CALCRL: variants seen among roughly 807,000 people sequenced by gnomAD.
The protein encoded by CALCRL is calcitonin receptor like receptor.
Under a neutral mutation model 60.4 loss-of-function variants are expected in CALCRL, and 27 were observed. The ratio of observed to expected loss-of-function variants is 0.45; its 90% CI spans 0.33 to 0.62. The LOEUF (loss-of-function observed/expected upper bound fraction) is 0.62. CALCRL is among the 20% of genes least tolerant of loss of function. The pLI is 0.03. For synonymous variants in CALCRL, 190 were observed against 182.6 expected, an observed-to-expected ratio of 1.04 and a Z score of -0.33; for missense variants, 424 against 540.7, an observed-to-expected ratio of 0.78 and a Z score of 2.14.
intron 1 of CALCRL, among the ~76,000 whole-genome samples, chr2:187,390,059 A>C (rs1443634884): frequency 6.6e-6 from 1 of 152,192 alleles, no homozygotes; most frequent in Non-Finnish European, 1.5e-5. Flanking sequence ...TTTATTAGAA[A>C]GTTTTAGACA....
At chr2:187,353,278 C>G (rs1686614068) in intron 12 of CALCRL, among the ~76,000 whole-genome samples, 1 of 151,898 alleles carries the variant, frequency 6.6e-6, no homozygotes, top group Non-Finnish European at 1.5e-5. Flanking sequence ...TCCAGAAGAG[C>G]TCCATAGGGG....
intron 1 of CALCRL, among the ~76,000 whole-genome samples, chr2:187,439,417 G>A (rs1000522862): frequency 2.6e-5 from 4 of 152,188 alleles, no homozygotes; most frequent in Middle Eastern, 6.8e-3. Flanking sequence ...TCATGCCCCT[G>A]CACTCCAGCC....
At chr2:187,352,004 T>A (rs1387211734) in intron 13 of CALCRL, 43 bp from the exon 14 acceptor site, 2 of 1,560,902 alleles carry the variant, frequency 1.3e-6, no homozygotes, top group Non-Finnish European at 1.8e-6. Flanking sequence ...AATGGAAAGA[T>A]ACATGTATTT....
chr2:187,375,357 C>CT (rs898241653), intron 8 of CALCRL, among the ~76,000 whole-genome samples: 40 of 150,256 alleles, frequency 2.7e-4, no homozygotes, highest in Middle Eastern at 6.9e-3. Flanking sequence ...CTGAAAAATT[C>CT]TTTTTTTTCC....
chr2:187,427,557 G>A (rs1690199277), intron 1 of CALCRL, among the ~76,000 whole-genome samples: 1 of 152,066 alleles, frequency 6.6e-6, no homozygotes, highest in Non-Finnish European at 1.5e-5. Flanking sequence ...TTCAATGGCA[G>A]TTTATGTTTA....
At position 187,343,584 on chromosome 2, in the gene CALCRL, G is replaced by C. The variant is rs1320842641; in HGVS notation, c.*2600C>G. Reference sequence around the variant, plus strand: ...GAATATTTTATGAATAAATGCATTGGAAATTAACTTTAGGAAATAAAATGA... The same window carrying C: ...GAATATTTTATGAATAAATGCATTGCAAATTAACTTTAGGAAATAAAATGA... On this transcript the variant is annotated 3_prime_UTR_variant, in exon 15 of 15. Transcript: ENST00000392370. 1 of 151,626 alleles carries C rather than the reference G, an allele frequency of 6.6e-6. No individual in the cohort carries two copies. Among genetic ancestry groups the C allele is most frequent in the Non-Finnish European group, 1.5e-5 (1 of 67,508 alleles). The allele number at this position is 151,626 out of a possible 1,614,324, so 9.4% of individuals were successfully genotyped here.
chr2:187,385,471 C>T, intron 4 of CALCRL, 74 bp downstream of exon 4: 1 of 748,184 alleles, frequency 1.3e-6, no homozygotes, highest in Non-Finnish European at 2.2e-6. Context: ...CTAGTAACTT[C>T]ATTAATATTC....
In CALCRL at chr2:187,371,627, G is replaced by A. The variant is rs146047064; in HGVS notation, c.500+7313C>T. 1.9e-3 allele frequency among the ~76,000 whole-genome samples: 285 copies of A among 152,066 alleles called. 4 individuals are homozygous for A. The highest frequency in any genetic ancestry group is 0.011 in the East Asian group (55 of 5,134). On this transcript the variant is annotated intron_variant, in intron 8 of 14. Coordinates refer to ENST00000392370, the MANE Select transcript of CALCRL (RefSeq NM_005795.6). ...TAAATATGGTTTAAAGATTAATCAT[G>A]TGGGAGGCTGAGGCAGGAGAATCGC...
chr2:187,354,030 T>C (rs181235061), intron 12 of CALCRL, among the ~76,000 whole-genome samples: 1 of 152,148 alleles, frequency 6.6e-6, no homozygotes, highest in East Asian at 1.9e-4. Context: ...AACATAGTTT[T>C]GAGAATTATA....
At chr2:187,350,147 C>A (rs759021246) in intron 14 of CALCRL, among the ~76,000 whole-genome samples, 5 of 151,520 alleles carry the variant, frequency 3.3e-5, no homozygotes, top group Non-Finnish European at 7.4e-5. Context: ...CCTCCTGTTA[C>A]AAAATATTTT....
chr2:187,438,494 G>A (rs1342959975), intron 1 of CALCRL, among the ~76,000 whole-genome samples: 1 of 151,860 alleles, frequency 6.6e-6, no homozygotes, highest in Admixed American at 6.6e-5. Flanking sequence ...TGCTATAGAT[G>A]TTTTTAGAAA....
chr2:187,367,669 A>G (rs1051317093), intron 8 of CALCRL, among the ~76,000 whole-genome samples: 4 of 152,048 alleles, frequency 2.6e-5, no homozygotes, highest in African/African-American at 9.7e-5. Flanking sequence ...AAATATTCTT[A>G]TTTTATTCAA....
At position 187,342,796 on chromosome 2, in the gene CALCRL, A is replaced by T. The variant is rs146171294; in HGVS notation, c.*3388T>A. 6.6e-6 allele frequency among the ~76,000 whole-genome samples: 1 copy of T among 151,592 alleles called. No homozygotes were observed. Among genetic ancestry groups the T allele is most frequent in the Non-Finnish European group, 1.5e-5 (1 of 67,596 alleles). Reference sequence around the variant, plus strand: ...ATTTTTAATATTCTCATATAGTGTGATATTTTGAATTCTCCTTTGAATTTT... The same window carrying T: ...ATTTTTAATATTCTCATATAGTGTGTTATTTTGAATTCTCCTTTGAATTTT... On this transcript the variant is annotated 3_prime_UTR_variant, in exon 15 of 15. Transcript: ENST00000392370.
At chr2:187,404,716 C>T (rs1480363874) in intron 1 of CALCRL, among the ~76,000 whole-genome samples, 3 of 150,978 alleles carry the variant, frequency 2.0e-5, no homozygotes, top group South Asian at 2.1e-4. Context: ...AAAAAAAAGA[C>T]GACGAAAGTA....
chr2:187,387,709 C>A lies in CALCRL; in HGVS notation c.-245G>T, dbSNP rs1292560271. The A allele has an allele frequency of 1.8e-5, 7 of 396,892 alleles. No individual in the cohort carries two copies. The highest frequency in any genetic ancestry group is 3.1e-5 in the Non-Finnish European group (7 of 225,144). The allele number at this position is 396,892 out of a possible 1,614,324, so 24.6% of individuals were successfully genotyped here. A position where few individuals can be genotyped will look rare whatever the true frequency, so the allele number is the denominator to read the frequency against. ...TCTCAAATCACATTTTCTCTTGGAT[C>A]ATATTTGACATTGTCTTTAAGAATT... On this transcript the variant is annotated 5_prime_UTR_variant, in exon 2 of 15. The change abolishes an upstream ATG in the 5' untranslated region. Coordinates refer to ENST00000392370, the MANE Select transcript of CALCRL (RefSeq NM_005795.6).
At chr2:187,384,819 G>A (rs1416613419) in intron 4 of CALCRL, among the ~76,000 whole-genome samples, 1 of 152,056 alleles carries the variant, frequency 6.6e-6, no homozygotes, top group African/African-American at 2.4e-5. Flanking sequence ...GGTTTTTCAT[G>A]TTTATAATGA....
At chr2:187,399,106 G>A (rs1236463554) in intron 1 of CALCRL, among the ~76,000 whole-genome samples, 3 of 151,500 alleles carry the variant, frequency 2.0e-5, no homozygotes. Flanking sequence ...CTGGGTCTTC[G>A]TTTCCTGACC....
chr2:187,409,403 G>T (rs1251624030), intron 1 of CALCRL, among the ~76,000 whole-genome samples: 1 of 152,146 alleles, frequency 6.6e-6, no homozygotes, highest in Non-Finnish European at 1.5e-5. Flanking sequence ...GTAGGCAAAA[G>T]AAATTTGGTA....
chr2:187,381,548 C>A (rs1483473760), intron 5 of CALCRL, among the ~76,000 whole-genome samples: 1 of 150,410 alleles, frequency 6.6e-6, no homozygotes, highest in African/African-American at 2.4e-5. Context: ...CTCCACCTCC[C>A]AGGTTCAAGT....
Sources: gnomAD v4.1 joint callset for allele counts (sites outside exome capture counted in the v4.1 genomes callset) on GRCh38, gnomAD v4.1.1 for gene constraint, MANE v1.5 for transcripts, NCBI Gene and HGNC (gene_info 2026-07-23, HGNC 2026-07-21) for gene names.